The following ZDHHC14 variants were observed in gnomAD, a reference collection of about 807,000 sequenced individuals.
ZDHHC14 encodes palmitoyltransferase ZDHHC14.
ZDHHC14 carries 16 observed loss-of-function variants against 47.7 expected under a neutral mutation model. The observed-to-expected ratio is 0.34, with a 90% CI of 0.23 to 0.51. ZDHHC14 has a LOEUF of 0.51. Ranked by LOEUF, ZDHHC14 falls within the 20% of genes least tolerant of loss-of-function variation. The pLI is 0.97. For missense variants in ZDHHC14, 515 were observed against 662.5 expected (o/e 0.78, Z 2.44); for synonymous variants, 293 against 278.9 (o/e 1.05, Z -0.50).
chr6:157,644,891 G>A (rs1777446326), intron 5 of ZDHHC14, among the ~76,000 whole-genome samples: 1 of 152,110 alleles, frequency 6.6e-6, no homozygotes, highest in Admixed American at 6.5e-5. Context: ...AAAAGTCTCT[G>A]GCCTTTTCAC....
chr6:157,434,138 G>A (rs1003493468), intron 1 of ZDHHC14, among the ~76,000 whole-genome samples: 1 of 151,882 alleles, frequency 6.6e-6, no homozygotes, highest in Non-Finnish European at 1.5e-5. Flanking sequence ...AAAGAAAATA[G>A]AGAAGAAAAA....
rs556511852 is a variant in ZDHHC14 at position 157,586,255 on chromosome 6, G to A, written c.407-6733G>A. On this transcript the variant is annotated intron_variant, in intron 2 of 8. Coordinates refer to ENST00000359775, the MANE Select transcript of ZDHHC14 (RefSeq NM_024630.3). This position sits in a 1 kb window ranked among gnomAD's most constrained non-coding sequence, Gnocchi z 4.6. ...GCTGGATAAATAAAACAAGGCAGGCGCAGTGAGAGCCCAAAGGAGGAAACA... is the reference window on the plus strand; with the variant it reads ...GCTGGATAAATAAAACAAGGCAGGCACAGTGAGAGCCCAAAGGAGGAAACA... 2.6e-5 allele frequency among the ~76,000 whole-genome samples: 4 copies of A among 152,104 alleles called. No individual in the cohort carries two copies. The highest frequency in any genetic ancestry group is 7.2e-5 in the African/African-American group (3 of 41,406).
intron 2 of ZDHHC14, among the ~76,000 whole-genome samples, chr6:157,550,372 C>T (rs148176310): frequency 1.3e-5 from 2 of 151,886 alleles, no homozygotes; most frequent in African/African-American, 4.8e-5. Context: ...CAGTGTCACA[C>T]AGACATTCTA....
At chr6:157,656,265 TAAG>T (rs1233286786) in intron 8 of ZDHHC14, among the ~76,000 whole-genome samples, 2 of 152,192 alleles carry the variant, frequency 1.3e-5, no homozygotes, top group Non-Finnish European at 2.9e-5. Flanking sequence ...CTGCAAAGGT[TAAG>T]AAGCCTGTCG....
intron 1 of ZDHHC14, among the ~76,000 whole-genome samples, chr6:157,540,174 A>T (rs551105142): frequency 6.6e-6 from 1 of 152,300 alleles, no homozygotes; most frequent in South Asian, 2.1e-4. Context: ...TGCAAATACC[A>T]ATCTACAGTG....
At chr6:157,418,069 C>G (rs546371910) in intron 1 of ZDHHC14, among the ~76,000 whole-genome samples, 229 of 152,282 alleles carry the variant, frequency 1.5e-3, no homozygotes, top group Middle Eastern at 3.4e-3. Flanking sequence ...GCACTTACCC[C>G]ACATGGTCCC....
At chr6:157,626,093 G>T (rs1275408364) in intron 3 of ZDHHC14, among the ~76,000 whole-genome samples, 1 of 152,132 alleles carries the variant, frequency 6.6e-6, no homozygotes, top group African/African-American at 2.4e-5. Context: ...TGGTAGAAAT[G>T]GTCTGTAGTG....
In ZDHHC14 at chr6:157,532,051, T is replaced by A. The variant is rs146055043; in HGVS notation, c.246-10534T>A. On this transcript the variant is annotated intron_variant, in intron 1 of 8. Transcript: ENST00000359775. ...AATTGAAGCCCTAGTGTGGGGCCCC[T>A]GGCCATGGAAGCACTGGGGAAGGAG... Among the ~76,000 whole-genome samples, 168 of 152,292 alleles carry A rather than the reference T, an allele frequency of 1.1e-3. 1 individual carries two copies. Among genetic ancestry groups the A allele is most frequent in the Middle Eastern group, 0.01 (3 of 294 alleles).
chr6:157,470,241 T>G (rs1779322783), intron 1 of ZDHHC14, among the ~76,000 whole-genome samples: 1 of 152,202 alleles, frequency 6.6e-6, no homozygotes, highest in Non-Finnish European at 1.5e-5. Flanking sequence ...TACTTATATA[T>G]TTGAAAGACC....
At chr6:157,430,116 A>C (rs2114779898) in intron 1 of ZDHHC14, among the ~76,000 whole-genome samples, 1 of 152,238 alleles carries the variant, frequency 6.6e-6, no homozygotes, top group Admixed American at 6.5e-5. Flanking sequence ...AGAGATTGAG[A>C]CCATCCTGGC....
chr6:157,513,403 T>G (rs940556157), intron 1 of ZDHHC14, among the ~76,000 whole-genome samples: 1 of 152,200 alleles, frequency 6.6e-6, no homozygotes, highest in African/African-American at 2.4e-5. Context: ...TCGGAGCTGA[T>G]AGTAAGTCAG....
chr6:157,431,974 C>A (rs1166744593), intron 1 of ZDHHC14, among the ~76,000 whole-genome samples: 1 of 152,158 alleles, frequency 6.6e-6, no homozygotes, highest in Admixed American at 6.5e-5. Flanking sequence ...AACGATCCAC[C>A]TGCCTCAGCC....
At chr6:157,519,448 C>G (rs1287437688) in intron 1 of ZDHHC14, among the ~76,000 whole-genome samples, 1 of 151,576 alleles carries the variant, frequency 6.6e-6, no homozygotes, top group Admixed American at 6.6e-5. Flanking sequence ...CTGTGGTGAG[C>G]AGCTTGTATT....
chr6:157,602,144 A>G (rs1424844302), intron 3 of ZDHHC14, among the ~76,000 whole-genome samples: 1 of 150,566 alleles, frequency 6.6e-6, no homozygotes, highest in Non-Finnish European at 1.5e-5. Context: ...TCGAGGTTGC[A>G]GTGAGCCAAG....
rs772894970 is a variant in ZDHHC14 at position 157,382,294 on chromosome 6, G to T, written c.245+28G>T. The T allele has an allele frequency of 5.0e-6, 8 of 1,609,144 alleles. No individual in the cohort carries two copies. In the East Asian group the frequency reaches 1.8e-4, roughly 36 times the overall value. ...AAGTGGTGGCGACCGCTCCCCCGACGCCGCACTCCCCTGGTCTCCCCTGTC... is the reference window on the plus strand; with the variant it reads ...AAGTGGTGGCGACCGCTCCCCCGACTCCGCACTCCCCTGGTCTCCCCTGTC... On this transcript the variant is annotated intron_variant, in intron 1 of 8. Transcript: ENST00000359775.
rs750975822 is a variant in ZDHHC14, at chr6:157,458,849, ATTT to A, written c.245+76603_245+76605del. On this transcript the variant is annotated intron_variant, in intron 1 of 8. Coordinates refer to ENST00000359775, the MANE Select transcript of ZDHHC14 (RefSeq NM_024630.3). Reference sequence around the variant, plus strand: ...TACAGGTACTAGCAAATGTGGGTGGATTTTTTTTTTTTTTTTTTTTTTGAGACG... The same window carrying A: ...TACAGGTACTAGCAAATGTGGGTGGATTTTTTTTTTTTTTTTTTTGAGACG... 1.1e-3 allele frequency among the ~76,000 whole-genome samples: 86 copies of A among 81,214 alleles called. 2 individuals are homozygous for A. Among genetic ancestry groups the A allele is most frequent in the South Asian group, 9.1e-3 (17 of 1,874 alleles). 53.3% of individuals were successfully genotyped at this position (81,214 alleles called of 152,430 possible).
intron 5 of ZDHHC14, among the ~76,000 whole-genome samples, chr6:157,644,748 C>T (rs1466107528): frequency 2.0e-5 from 3 of 152,214 alleles, no homozygotes; most frequent in African/African-American, 7.2e-5. Flanking sequence ...GCGTTTCTTT[C>T]TCCATCCTGT....
At chr6:157,634,932 G>A (rs1776897802) in intron 5 of ZDHHC14, among the ~76,000 whole-genome samples, 1 of 152,166 alleles carries the variant, frequency 6.6e-6, no homozygotes, top group African/African-American at 2.4e-5. Context: ...TCCCCTGGGA[G>A]CCACCCTTCA....
At chr6:157,448,630 G>T (rs1020284360) in intron 1 of ZDHHC14, among the ~76,000 whole-genome samples, 1 of 152,210 alleles carries the variant, frequency 6.6e-6, no homozygotes, top group African/African-American at 2.4e-5. Context: ...GAACCTAGTT[G>T]TGTGCTTGGC....
Sources: gnomAD v4.1 joint callset for allele counts (sites outside exome capture counted in the v4.1 genomes callset) on GRCh38, gnomAD v4.1.1 for gene constraint, Gnocchi (gnomAD v3.1) non-coding constraint, MANE v1.5 for transcripts, NCBI Gene and HGNC (gene_info 2026-07-23, HGNC 2026-07-21) for gene names.